TRPM3: variants seen among roughly 807,000 people sequenced by gnomAD.
TRPM3 encodes transient receptor potential cation channel subfamily M member 3.
In TRPM3, 77 loss-of-function variants were observed where a neutral mutation model predicts 181.2. The ratio of observed to expected loss-of-function variants is 0.42; its 90% CI spans 0.35 to 0.51. The LOEUF (loss-of-function observed/expected upper bound fraction) is 0.51. TRPM3 is among the 20% of genes least tolerant of loss of function. The pLI, the probability that TRPM3 is intolerant of heterozygous loss-of-function variation, is 0.01. For missense variants in TRPM3, 1,759 were observed against 2,196.7 expected, an observed-to-expected ratio of 0.80 and a Z score of 3.98; for synonymous variants, 745 against 796.4, an observed-to-expected ratio of 0.94 and a Z score of 1.09.
intron 7 of TRPM3, among the ~76,000 whole-genome samples, chr9:70,767,173 T>C (rs1404152301): frequency 6.6e-6 from 1 of 152,186 alleles, no homozygotes; most frequent in Admixed American, 6.5e-5. Context: ...GTGAGTCCGG[T>C]GGTGTAAGGC....
chr9:70,589,901 G>A (rs192680124), intron 22 of TRPM3, among the ~76,000 whole-genome samples: 1 of 152,134 alleles, frequency 6.6e-6, no homozygotes, highest in Non-Finnish European at 1.5e-5. Flanking sequence ...TTGCTGCCTT[G>A]TCCCTATTTT....
intron 1 of TRPM3, among the ~76,000 whole-genome samples, chr9:71,434,940 T>C (rs1237104473): frequency 1.3e-5 from 2 of 152,118 alleles, no homozygotes; most frequent in Admixed American, 6.5e-5. Flanking sequence ...CTAATTATAA[T>C]GCAAACTTTC....
At chr9:70,758,793 A>C (rs1338400971) in intron 8 of TRPM3, among the ~76,000 whole-genome samples, 1 of 152,222 alleles carries the variant, frequency 6.6e-6, no homozygotes, top group Non-Finnish European at 1.5e-5. Context: ...GAAAACTGAA[A>C]CTGAACCCCT....
chr9:70,869,225 A>G (rs1196356500), intron 1 of TRPM3, among the ~76,000 whole-genome samples: 1 of 151,994 alleles, frequency 6.6e-6, no homozygotes, highest in Non-Finnish European at 1.5e-5. Flanking sequence ...AATCCCATGG[A>G]CATTCCCTCC....
At chr9:70,540,127 T>C (rs953502966) in intron 25 of TRPM3, among the ~76,000 whole-genome samples, 6 of 152,226 alleles carry the variant, frequency 3.9e-5, no homozygotes, top group African/African-American at 9.6e-5. Flanking sequence ...CATGAGCCAC[T>C]GCACTTGGCC....
intron 9 of TRPM3, 149 bp from the exon 10 acceptor site, chr9:70,640,809 A>T: frequency 3.4e-6 from 2 of 585,072 alleles, no homozygotes; most frequent in South Asian, 2.4e-5. Context: ...CAAACTTGGT[A>T]TTATTAACAT....
At chr9:70,768,568 T>C (rs1182031786) in intron 7 of TRPM3, among the ~76,000 whole-genome samples, 2 of 151,972 alleles carry the variant, frequency 1.3e-5, no homozygotes, top group Non-Finnish European at 2.9e-5. Flanking sequence ...CACCTGTTGA[T>C]GTTGCCAATT....
chr9:71,411,372 A>G (rs2093546691), intron 1 of TRPM3, among the ~76,000 whole-genome samples: 1 of 152,210 alleles, frequency 6.6e-6, no homozygotes, highest in Admixed American at 6.5e-5. Flanking sequence ...TCAGCCCAAA[A>G]TCTCCTTAAG....
intron 1 of TRPM3, among the ~76,000 whole-genome samples, chr9:70,908,459 G>A (rs978521994): frequency 2.6e-5 from 4 of 152,232 alleles, no homozygotes; most frequent in African/African-American, 9.7e-5. Context: ...AGCTATGAAA[G>A]CTCAAGAAAT....
intron 6 of TRPM3, chr9:70,810,226 C>T: frequency 2.6e-6 from 1 of 380,212 alleles, no homozygotes; most frequent in Non-Finnish European, 5.4e-6. Flanking sequence ...CCTATGGGTA[C>T]ATGATCAGGA....
In TRPM3 at chr9:70,533,890, G is replaced by T. The variant is rs1326132125; in HGVS notation, c.*2063C>A. ...TTATACCTGAAATGCTTATTCAGAA[G>T]AGTTTTTATTTTGTTTTTTATCTTA... On this transcript the variant is annotated 3_prime_UTR_variant, in exon 26 of 26. Coordinates refer to ENST00000677713, the MANE Select transcript of TRPM3 (RefSeq NM_001366145.2). The T allele has an allele frequency of 6.6e-6, 1 of 152,174 alleles. No individual in the cohort carries two copies. Among genetic ancestry groups the T allele is most frequent in the Admixed American group, 6.5e-5 (1 of 15,270 alleles). 9.4% of individuals were successfully genotyped at this position (152,174 alleles called of 1,614,324 possible).
At chr9:71,118,391 T>C (rs1445059093) in intron 1 of TRPM3, among the ~76,000 whole-genome samples, 1 of 152,202 alleles carries the variant, frequency 6.6e-6, no homozygotes, top group Non-Finnish European at 1.5e-5. Flanking sequence ...CTTCCCCTTC[T>C]AATTCTTTTG....
At chr9:70,890,005 A>G (rs2096170722) in intron 1 of TRPM3, among the ~76,000 whole-genome samples, 1 of 148,164 alleles carries the variant, frequency 6.7e-6, no homozygotes, top group African/African-American at 2.5e-5. Flanking sequence ...TTATATTTAT[A>G]TATTCTATAT....
intron 1 of TRPM3, among the ~76,000 whole-genome samples, chr9:71,240,207 T>C (rs1203077533): frequency 6.6e-6 from 1 of 152,214 alleles, no homozygotes; most frequent in Non-Finnish European, 1.5e-5. Context: ...TGCCAGATTC[T>C]TTAAAGCATA....
chr9:71,297,705 T>C (rs1316302682), intron 1 of TRPM3, among the ~76,000 whole-genome samples: 2 of 152,178 alleles, frequency 1.3e-5, no homozygotes, highest in African/African-American at 4.8e-5. Context: ...CAAGATGAGA[T>C]ATGGGTTGGG....
chr9:70,922,354 G>T (rs1216193905), intron 1 of TRPM3, among the ~76,000 whole-genome samples: 1 of 152,110 alleles, frequency 6.6e-6, no homozygotes, highest in African/African-American at 2.4e-5. Context: ...GTTTGACTTG[G>T]ACCATCAAAT....
upstream of TRPM3, among the ~76,000 whole-genome samples, chr9:71,123,360 A>G (rs2073839894): frequency 6.6e-6 from 1 of 152,220 alleles, no homozygotes; most frequent in Non-Finnish European, 1.5e-5. Flanking sequence ...TTTTGAAGCT[A>G]GTCTTGGGAG....
At chr9:70,831,895 C>T (rs2093921958) in intron 5 of TRPM3, among the ~76,000 whole-genome samples, 1 of 145,784 alleles carries the variant, frequency 6.9e-6, no homozygotes, top group Non-Finnish European at 1.5e-5. Context: ...GGAATGACTA[C>T]CCCATTCTCC....
At chr9:70,998,156 C>CATATATACATATATACACAT (rs1232901539) in intron 1 of TRPM3, among the ~76,000 whole-genome samples, 1 of 27,200 alleles carries the variant, frequency 3.7e-5, no homozygotes, top group South Asian at 1.4e-3. Flanking sequence ...TATATATATA[C>CATATATACATATATACACAT]ATATATACAT....
Sources: allele counts gnomAD v4.1 joint callset (sites outside exome capture counted in the v4.1 genomes callset), GRCh38; gene constraint gnomAD v4.1.1; transcripts MANE v1.5; gene names NCBI Gene and HGNC (gene_info 2026-07-23, HGNC 2026-07-21).